The following KIF11 variants were observed in gnomAD, a reference collection of about 807,000 sequenced individuals.
KIF11 encodes kinesin-like protein KIF11.
KIF11 carries 9 observed loss-of-function variants against 121.0 expected under a neutral mutation model. The ratio of observed to expected loss-of-function variants is 0.07; its 90% CI spans 0.04 to 0.13. The LOEUF (loss-of-function observed/expected upper bound fraction) is 0.13. KIF11 is among the 10% of genes least tolerant of loss of function. The probability of loss-of-function intolerance (pLI) is 1.00; values close to 1 mark genes in which losing one functional copy is unlikely to be tolerated. For missense variants in KIF11, 846 were observed against 1,217.5 expected (o/e 0.69, Z 4.54); for synonymous variants, 408 against 421.0 (o/e 0.97, Z 0.38).
At position 92,613,170 on chromosome 10, in the gene KIF11, AC is replaced by A; in HGVS notation, c.789+42del. 1 of 1,467,462 alleles carries A rather than the reference AC, an allele frequency of 6.8e-7. No individual in the cohort carries two copies. Among genetic ancestry groups the A allele is most frequent in the Non-Finnish European group, 9.5e-7 (1 of 1,056,628 alleles). The allele number at this position is 1,467,462 out of a possible 1,614,324, so 90.9% of individuals were successfully genotyped here. On this transcript the variant is annotated intron_variant, in intron 7 of 21. Coordinates refer to ENST00000260731, the MANE Select transcript of KIF11 (RefSeq NM_004523.4). This position sits in a 1 kb window ranked among gnomAD's most constrained non-coding sequence, Gnocchi z 4.2. The stretch of plus-strand genomic sequence containing the variant: ...TAATACTACTGTTTCACTCTTAAAC[AC>A]CTTATAGAGCAGCTTGAAATTTTGT...
intron 20 of KIF11, 120 bp from the exon 21 acceptor site, chr10:92,650,281 T>C (rs1166192412): frequency 6.0e-6 from 4 of 666,538 alleles, no homozygotes; most frequent in Non-Finnish European, 1.1e-5. Context: ...TCTAATAATT[T>C]TGTTGAGGTT....
At chr10:92,640,200 G>A (rs1057394618) in intron 17 of KIF11, among the ~76,000 whole-genome samples, 13 of 152,168 alleles carry the variant, frequency 8.5e-5, no homozygotes, top group Non-Finnish European at 1.5e-5. Context: ...TATTACTGAT[G>A]AAAAATATAC....
In KIF11 at chr10:92,655,174, A is replaced by C. The variant is rs537991933; in HGVS notation, c.*1378A>C. On this transcript the variant is annotated 3_prime_UTR_variant, in exon 22 of 22. Transcript: ENST00000260731. ...TCTGCTCACGATGAGTTTAGTGTGT[A>C]AAGTTTAGAGACATCTGACTTTGAT... is the stretch of plus-strand genomic sequence containing the variant. 1.3e-5 allele frequency: 2 copies of C among 152,614 alleles called. No homozygotes were observed. Among genetic ancestry groups the C allele is most frequent in the African/African-American group, 4.8e-5 (2 of 41,448 alleles). 9.5% of individuals were successfully genotyped at this position (152,614 alleles called of 1,614,324 possible). A position where few individuals can be genotyped will look rare whatever the true frequency, so the allele number is the denominator to read the frequency against.
At chr10:92,639,378 A>G (rs1212059501) in intron 16 of KIF11, among the ~76,000 whole-genome samples, 2 of 152,150 alleles carry the variant, frequency 1.3e-5, no homozygotes, top group African/African-American at 4.8e-5. Flanking sequence ...ACTTGAGGCT[A>G]GGAGTTCAAG....
intron 18 of KIF11, 131 bp from the exon 19 acceptor site, chr10:92,648,081 C>T: frequency 1.6e-6 from 1 of 624,954 alleles, no homozygotes. Flanking sequence ...TGCACTCCAG[C>T]CTGGGCAACA....
intron 21 of KIF11, 31 bp from the exon 22 acceptor site, chr10:92,653,634 T>G (rs1306769712): frequency 6.3e-7 from 1 of 1,595,644 alleles, no homozygotes; most frequent in African/African-American, 1.4e-5. Flanking sequence ...TTACTTTGTA[T>G]TGACTTAATT....
rs901466346 is a variant in KIF11, at chr10:92,593,271, C to G, written c.-105C>G. 3.7e-5 allele frequency: 45 copies of G among 1,204,758 alleles called. No homozygotes were observed. Among genetic ancestry groups the G allele is most frequent in the Admixed American group, 9.7e-5 (4 of 41,104 alleles). 74.6% of individuals were successfully genotyped at this position (1,204,758 alleles called of 1,614,324 possible). The stretch of plus-strand genomic sequence containing the variant: ...CGGTCCTCCAGGCCACGCCAGCGCC[C>G]GAGAGGGACCAGGGAGACTCCGGCC... On this transcript the variant is annotated 5_prime_UTR_variant, in exon 1 of 22. Transcript: ENST00000260731.
intron 6 of KIF11, among the ~76,000 whole-genome samples, chr10:92,611,198 A>G (rs1328688666): frequency 6.6e-6 from 1 of 151,870 alleles, no homozygotes; most frequent in African/African-American, 2.4e-5. Flanking sequence ...AAAACATGAG[A>G]TGAATAGTAT....
At chr10:92,653,534 C>T (rs1248147644) in intron 21 of KIF11, 131 bp from the exon 22 acceptor site, 23 of 737,486 alleles carry the variant, frequency 3.1e-5, no homozygotes, top group Non-Finnish European at 5.0e-5. Context: ...CAAACTTGTG[C>T]TGAACCTTTT....
At chr10:92,618,395 A>G (rs1463293494) in intron 9 of KIF11, among the ~76,000 whole-genome samples, 1 of 151,914 alleles carries the variant, frequency 6.6e-6, no homozygotes, top group Non-Finnish European at 1.5e-5. Context: ...CTGTAATCCC[A>G]GCACTTTGGG....
intron 17 of KIF11, among the ~76,000 whole-genome samples, chr10:92,644,477 C>T (rs1312154645): frequency 1.3e-5 from 2 of 152,080 alleles, no homozygotes; most frequent in African/African-American, 4.8e-5. Flanking sequence ...ACCACCACGC[C>T]CGGCTAATTT....
chr10:92,628,870 G>A lies in KIF11; in HGVS notation c.1280G>A (p.Gly427Asp), dbSNP rs975246337. 6.2e-7 allele frequency: 1 copy of A among 1,600,222 alleles called. No homozygotes were observed. Residue 427 changes from glycine (G) to aspartate (D), a missense_variant, in exon 11 of 22, where the codon GGT becomes GAT. Around this residue, in one of 5 missense-constraint regions of KIF11, gnomAD observed 95 missense variants for 109.3 expected, o/e 0.87. Transcript: ENST00000260731. ...EQIVELIEKIGAVEEELNRVT... is the reference protein window; with the variant it reads ...EQIVELIEKIDAVEEELNRVT... ...ATTGTAGAATTGATTGAAAAAATTG[G>A]TGCTGTTGAGGAGGAGCTGAATAGG...
chr10:92,617,734 G>C (rs1351237506), intron 9 of KIF11, among the ~76,000 whole-genome samples: 1 of 141,732 alleles, frequency 7.1e-6, no homozygotes, highest in African/African-American at 3.0e-5. Context: ...CGGTTTTTTT[G>C]TTTTTGTTTT....
intron 10 of KIF11, among the ~76,000 whole-genome samples, chr10:92,623,846 C>A (rs1308098586): frequency 1.3e-5 from 2 of 151,992 alleles, no homozygotes; most frequent in African/African-American, 4.8e-5. Context: ...CTTTGGTTTT[C>A]ATTTGTTTAG....
In KIF11 at chr10:92,609,490, C is replaced by G. The variant is rs145656661; in HGVS notation, c.679C>G (p.Leu227Val). 1.2e-6 allele frequency: 2 copies of G among 1,613,220 alleles called. No individual in the cohort carries two copies. Among genetic ancestry groups the G allele is most frequent in the South Asian group, 1.1e-5 (1 of 90,972 alleles). Residue 227 changes from leucine (L) to valine (V), a missense_variant, in exon 6 of 22, where the codon CTG becomes GTG. Coordinates refer to ENST00000260731, the MANE Select transcript of KIF11 (RefSeq NM_004523.4). ...AGCAAAAAGGACAACTGCAGCTACT[C>G]TGATGAATGCATACTCTAGGTAAGA... is the stretch of plus-strand genomic sequence containing the variant. Reference protein sequence around the residue: ...GAAKRTTAATLMNAYSSRSHS... With the variant: ...GAAKRTTAATVMNAYSSRSHS...
In KIF11 at chr10:92,593,372, C is replaced by A. The variant is rs775378350; in HGVS notation, c.-4C>A. ...CGGGCCTTGATTTTTTGGCGGGGACCGTCATGGCGTCGCAGCCAAATTCGT... is the reference window on the plus strand; with the variant it reads ...CGGGCCTTGATTTTTTGGCGGGGACAGTCATGGCGTCGCAGCCAAATTCGT... On this transcript the variant is annotated 5_prime_UTR_variant, in exon 1 of 22. Coordinates refer to ENST00000260731, the MANE Select transcript of KIF11 (RefSeq NM_004523.4). 6.2e-7 allele frequency: 1 copy of A among 1,605,782 alleles called. No individual in the cohort carries two copies. The highest frequency in any genetic ancestry group is 8.5e-7 in the Non-Finnish European group (1 of 1,176,828).
intron 14 of KIF11, among the ~76,000 whole-genome samples, chr10:92,635,706 C>T (rs967215752): frequency 6.6e-6 from 1 of 152,192 alleles, no homozygotes; most frequent in African/African-American, 2.4e-5. Context: ...CACTGATAGA[C>T]GTGCTCAAGG....
chr10:92,642,843 G>A (rs922173500), intron 17 of KIF11, among the ~76,000 whole-genome samples: 3 of 152,164 alleles, frequency 2.0e-5, no homozygotes, highest in African/African-American at 7.2e-5. Context: ...TATATTTAAA[G>A]TGGGTTTCTT....
chr10:92,633,869 C>T, intron 14 of KIF11, 74 bp downstream of exon 14: 1 of 982,468 alleles, frequency 1.0e-6, no homozygotes, highest in Admixed American at 2.3e-5. Flanking sequence ...TGAAGGGTTA[C>T]ATTTGATAAG....
Sources: allele counts gnomAD v4.1 joint callset (sites outside exome capture counted in the v4.1 genomes callset), GRCh38; gene constraint gnomAD v4.1.1; regional missense constraint gnomAD v4.1.1; non-coding constraint Gnocchi (gnomAD v3.1); transcripts MANE v1.5; gene names NCBI Gene and HGNC (gene_info 2026-07-23, HGNC 2026-07-21).